Variants in C4orf50 observed in about 807,000 individuals in gnomAD.
C4orf50 encodes the protein chromosome 4 open reading frame 50, also known as uncharacterized protein C4orf50.
C4orf50 carries 80 observed loss-of-function variants against 77.2 expected under a neutral mutation model. That is an observed-to-expected ratio of 1.04 (90% CI 0.87 to 1.25). The LOEUF (loss-of-function observed/expected upper bound fraction) is 1.25. C4orf50 is among the 50% of genes most tolerant of loss of function. C4orf50 has a pLI of 0.00. For synonymous variants in C4orf50, 532 were observed against 465.3 expected, an observed-to-expected ratio of 1.14 and a Z score of -1.84; for missense variants, 1,257 against 1,152.9, an observed-to-expected ratio of 1.09 and a Z score of -1.31.
intron 26 of C4orf50, 82 bp from the exon 5 acceptor site, chr4:5,993,012 A>G (rs58595292): frequency 0.14 from 54,608 of 393,956 alleles, 4,284 homozygotes; most frequent in Middle Eastern, 0.18. Flanking sequence ...CACGTCCCCC[A>G]GGCTTGGGTA....
chr4:5,976,825 G>C (rs887861123), intron 29 of C4orf50, among the ~76,000 whole-genome samples: 1 of 152,234 alleles, frequency 6.6e-6, no homozygotes, highest in African/African-American at 2.4e-5. Flanking sequence ...GCAGATGAAA[G>C]CTGGACACAG....
rs1448341953 is a variant in C4orf50 at position 6,008,800 on chromosome 4, T to C, written c.427-268A>G. Among the ~76,000 whole-genome samples the C allele has an allele frequency of 6.6e-6, 1 of 152,150 alleles. No homozygotes were observed. The highest frequency in any genetic ancestry group is 1.5e-5 in the Non-Finnish European group (1 of 68,028). The stretch of plus-strand genomic sequence containing the variant: ...CTCCCTGAGTCCTGGAAGGGAGCTG[T>C]GCAGGTGGCAGGATGGCCATCAGCG... On this transcript the variant is annotated intron_variant, in intron 24 of 33. Transcript: ENST00000531445. This position sits in a 1 kb window ranked among gnomAD's most constrained non-coding sequence, Gnocchi z 6.0.
intron 25 of C4orf50, among the ~76,000 whole-genome samples, chr4:5,995,998 C>T (rs1042854601): frequency 1.3e-5 from 2 of 152,188 alleles, no homozygotes; most frequent in African/African-American, 4.8e-5. Context: ...ACCAGGGAGA[C>T]CCGCTGATCA....
intron 7 of C4orf50, among the ~76,000 whole-genome samples, chr4:5,925,229 G>A (rs73067446): frequency 0.011 from 1,636 of 151,964 alleles, 23 homozygotes; most frequent in African/African-American, 0.037. Context: ...GGGATATGGC[G>A]CTCGGCAAGG....
intron 25 of C4orf50, among the ~76,000 whole-genome samples, chr4:5,996,567 T>TC (rs1436129241): frequency 6.6e-6 from 1 of 152,092 alleles, no homozygotes; most frequent in East Asian, 1.9e-4. Flanking sequence ...CTCCTCCCCT[T>TC]CTGGGACCTG....
chr4:5,998,226 A>G lies in C4orf50; in HGVS notation c.964-3750T>C, dbSNP rs533291222. Among the ~76,000 whole-genome samples the G allele has an allele frequency of 2.0e-5, 3 of 152,284 alleles. No individual in the cohort carries two copies. In the East Asian group the frequency reaches 5.8e-4, roughly 29 times the overall value. ...ATGTACAGAAGAAAACGGGATCCTG[A>G]GATTTTTCTCACTGGCGTTATTTTT... On this transcript the variant is annotated intron_variant, in intron 25 of 33. Transcript: ENST00000531445.
chr4:6,016,882 C>G (rs1722703820), intron 23 of C4orf50, among the ~76,000 whole-genome samples: 1 of 152,140 alleles, frequency 6.6e-6, no homozygotes, highest in African/African-American at 2.4e-5. Flanking sequence ...AAGGCAAGTA[C>G]AAGAAAATGG....
rs977761716 is a variant in C4orf50 at position 6,007,951 on chromosome 4, G to C, written c.963+45C>G. The stretch of plus-strand genomic sequence containing the variant: ...CTTCACCAAGTGGCTGGAGGAGAAG[G>C]AGAAAGGCAAAAGATCATTCCTACC... On this transcript the variant is annotated intron_variant, in intron 25 of 33. Transcript: ENST00000531445. This position sits in a 1 kb window ranked among gnomAD's most constrained non-coding sequence, Gnocchi z 4.1. 4.0e-5 allele frequency: 16 copies of C among 399,144 alleles called. No individual in the cohort carries two copies. The highest frequency in any genetic ancestry group is 7.1e-5 in the Non-Finnish European group (16 of 226,308). 24.7% of individuals were successfully genotyped at this position (399,144 alleles called of 1,614,324 possible). A position where few individuals can be genotyped will look rare whatever the true frequency, so the allele number is the denominator to read the frequency against.
rs1208743067 is a variant in C4orf50, at chr4:6,015,300, AAGAGGAGG to A, written c.287+2837_287+2844del. Among the ~76,000 whole-genome samples, 1 of 152,150 alleles carries A rather than the reference AAGAGGAGG, an allele frequency of 6.6e-6. No individual in the cohort carries two copies. The highest frequency in any genetic ancestry group is 1.5e-5 in the Non-Finnish European group (1 of 68,034). ...GATCCAATCCGACTGGGGTCCTTGT[AAGAGGAGG>A]AGAGGAGGACACAGACACACACAGA... On this transcript the variant is annotated intron_variant, in intron 23 of 33. Transcript: ENST00000531445. This position sits in a 1 kb window ranked among gnomAD's most constrained non-coding sequence, Gnocchi z 4.4.
At chr4:5,929,824 T>A (rs922069831) in intron 7 of C4orf50, among the ~76,000 whole-genome samples, 2 of 152,192 alleles carry the variant, frequency 1.3e-5, no homozygotes, top group African/African-American at 4.8e-5. Context: ...TCTGCAATGA[T>A]CTAATAAAGG....
chr4:5,989,611 G>C (rs2108790905), exon 28 of C4orf50: 1 of 1,536,126 alleles, frequency 6.5e-7, no homozygotes, highest in Non-Finnish European at 8.7e-7. Flanking sequence ...CTGGAAACAA[G>C]CCTCCACGTC....
chr4:5,941,400 G>A (rs1372171618), intron 7 of C4orf50, among the ~76,000 whole-genome samples: 1 of 152,170 alleles, frequency 6.6e-6, no homozygotes, highest in Non-Finnish European at 1.5e-5. Context: ...TCTGGTTCCT[G>A]CACCCGTTGC....
At chr4:5,960,852 T>TATA (rs1205362495) in intron 33 of C4orf50, among the ~76,000 whole-genome samples, 1 of 152,120 alleles carries the variant, frequency 6.6e-6, no homozygotes, top group Non-Finnish European at 1.5e-5. Flanking sequence ...GACTCCATCT[T>TATA]ATAATAATAA....
In C4orf50 at chr4:5,930,757, C is replaced by T. The variant is rs190774666; in HGVS notation, c.*2474+26144G>A. Among the ~76,000 whole-genome samples, 598 of 152,310 alleles carry T rather than the reference C, an allele frequency of 3.9e-3. 3 individuals carry two copies. The highest frequency in any genetic ancestry group is 6.7e-3 in the Non-Finnish European group (459 of 68,030). ...ACAGTTTACAGTGTTGCACTCAACT[C>T]CAGTGTGCGTCTCCCCTGGGAGCAC... On this transcript the variant is annotated intron_variant, in intron 7 of 7. Transcript: ENST00000324058.
chr4:5,983,190 G>A (rs190045308), intron 28 of C4orf50, among the ~76,000 whole-genome samples: 8 of 152,206 alleles, frequency 5.3e-5, no homozygotes, highest in East Asian at 1.9e-4. Context: ...CAATCCACCC[G>A]AACCATTGTT....
In C4orf50 at chr4:5,932,591, A is replaced by G. The variant is rs1717816058; in HGVS notation, c.*2474+24310T>C. 6.6e-6 allele frequency among the ~76,000 whole-genome samples: 1 copy of G among 152,154 alleles called. No individual in the cohort carries two copies. Among genetic ancestry groups the G allele is most frequent in the African/African-American group, 2.4e-5 (1 of 41,440 alleles). ...GCTGCAACTACAGGTGCATGCAACCACGCCCAGCTAATTTTTATTTTTTAA... is the reference window on the plus strand; with the variant it reads ...GCTGCAACTACAGGTGCATGCAACCGCGCCCAGCTAATTTTTATTTTTTAA... On this transcript the variant is annotated intron_variant, in intron 7 of 7. Coordinates refer to the C4orf50 transcript ENST00000324058. This position sits in a 1 kb window ranked among gnomAD's most constrained non-coding sequence, Gnocchi z 4.2.
At position 5,976,603 on chromosome 4, in the gene C4orf50, G is replaced by A. The variant is rs116175092; in HGVS notation, c.3865-648C>T. On this transcript the variant is annotated intron_variant, in intron 29 of 33. Coordinates refer to ENST00000531445, the Ensembl canonical transcript of C4orf50. ...ATACAAGTTCCTGAGCCAGACAGCAGGGGTCCTAATCCCGGCTCAGCCAGT... is the reference window on the plus strand; with the variant it reads ...ATACAAGTTCCTGAGCCAGACAGCAAGGGTCCTAATCCCGGCTCAGCCAGT... Among the ~76,000 whole-genome samples, 1,131 of 152,298 alleles carry A rather than the reference G, an allele frequency of 7.4e-3. 20 individuals are homozygous for A. The highest frequency in any genetic ancestry group is 0.026 in the African/African-American group (1,061 of 41,562).
At chr4:5,934,927 C>T (rs768184427) in intron 7 of C4orf50, among the ~76,000 whole-genome samples, 1 of 152,352 alleles carries the variant, frequency 6.6e-6, no homozygotes, top group East Asian at 1.9e-4. Context: ...CAGCTCCCTA[C>T]ACTTCTGGCT....
chr4:5,931,460 C>G (rs761875319), intron 7 of C4orf50, among the ~76,000 whole-genome samples: 11 of 152,196 alleles, frequency 7.2e-5, no homozygotes, highest in Non-Finnish European at 1.3e-4. Flanking sequence ...TACCAGGATT[C>G]TCATGTCACA....
Sources: allele counts gnomAD v4.1 joint callset (sites outside exome capture counted in the v4.1 genomes callset), GRCh38; gene constraint gnomAD v4.1.1; non-coding constraint Gnocchi (gnomAD v3.1); transcripts MANE v1.5; gene names NCBI Gene and HGNC (gene_info 2026-07-23, HGNC 2026-07-21).